EPHA5: variants seen among roughly 807,000 people sequenced by gnomAD.
EPHA5 encodes the protein ephrin type-A receptor 5.
EPHA5 carries 60 observed loss-of-function variants against 105.0 expected under a neutral mutation model. That is an observed-to-expected ratio of 0.57 (90% CI 0.46 to 0.71). EPHA5 has a LOEUF of 0.71. Among genes scored for constraint, EPHA5 ranks in the 30% least tolerant of loss-of-function variants. The probability of loss-of-function intolerance (pLI) is 0.00; values close to 1 mark genes in which losing one functional copy is unlikely to be tolerated. For synonymous variants in EPHA5, 513 were observed against 449.1 expected (o/e 1.14, Z -1.80); for missense variants, 1,218 against 1,274.7 (o/e 0.96, Z 0.68).
intron 2 of EPHA5, among the ~76,000 whole-genome samples, chr4:65,620,973 A>T (rs1046369564): frequency 6.6e-6 from 1 of 152,178 alleles, no homozygotes; most frequent in Non-Finnish European, 1.5e-5. Flanking sequence ...TGCATGCTTC[A>T]ATACTTCCAG....
chr4:65,557,574 C>T (rs1013087703), intron 3 of EPHA5, among the ~76,000 whole-genome samples: 11 of 151,816 alleles, frequency 7.2e-5, no homozygotes, highest in Non-Finnish European at 1.5e-4. Context: ...AGTAATTATT[C>T]TAATAAAGCA....
chr4:65,507,891 A>G (rs1399681627), intron 3 of EPHA5, among the ~76,000 whole-genome samples: 2 of 152,182 alleles, frequency 1.3e-5, no homozygotes, highest in Non-Finnish European at 2.9e-5. Flanking sequence ...AATACAACAT[A>G]TATTATTTTC....
At chr4:65,355,140 G>C (rs28380400) in intron 11 of EPHA5, among the ~76,000 whole-genome samples, 1,533 of 151,712 alleles carry the variant, frequency 0.01, 25 homozygotes, top group African/African-American at 0.035. Flanking sequence ...TCCAGGAAGA[G>C]AGGTGGCACA....
chr4:65,353,711 C>T (rs1309227027), intron 11 of EPHA5, among the ~76,000 whole-genome samples: 1 of 151,690 alleles, frequency 6.6e-6, no homozygotes, highest in Non-Finnish European at 1.5e-5. Context: ...AAACTCCATC[C>T]TATCTAACTG....
At chr4:65,570,688 C>T (rs567019903) in intron 3 of EPHA5, among the ~76,000 whole-genome samples, 1 of 151,768 alleles carries the variant, frequency 6.6e-6, no homozygotes. Flanking sequence ...GTACTCTATA[C>T]TTGTCCATCT....
chr4:65,413,655 C>T lies in EPHA5; in HGVS notation c.1687+629G>A, dbSNP rs934149795. Among the ~76,000 whole-genome samples the T allele has an allele frequency of 3.3e-5, 5 of 152,160 alleles. No individual in the cohort carries two copies. In the East Asian group the frequency reaches 5.8e-4, roughly 18 times the overall value. On this transcript the variant is annotated intron_variant, in intron 7 of 16. Transcript: ENST00000613740. Reference sequence around the variant, plus strand: ...ATTTCCTCACAAATAACTTTAATAGCGTCTATTTCTGTCTTCGAATTCTTC... The same window carrying T: ...ATTTCCTCACAAATAACTTTAATAGTGTCTATTTCTGTCTTCGAATTCTTC...
At chr4:65,344,700 G>A (rs1722048529) in intron 14 of EPHA5, among the ~76,000 whole-genome samples, 1 of 152,192 alleles carries the variant, frequency 6.6e-6, no homozygotes, top group Non-Finnish European at 1.5e-5. Flanking sequence ...GTTTAGATAA[G>A]TTAGAAATGA....
At chr4:65,508,922 G>A (rs1291809499) in intron 3 of EPHA5, among the ~76,000 whole-genome samples, 1 of 152,090 alleles carries the variant, frequency 6.6e-6, no homozygotes, top group Non-Finnish European at 1.5e-5. Flanking sequence ...AACGCATTGG[G>A]CATACAGTTG....
intron 1 of EPHA5, among the ~76,000 whole-genome samples, chr4:65,652,455 G>T (rs867381266): frequency 1.3e-5 from 2 of 151,906 alleles, no homozygotes; most frequent in Non-Finnish European, 1.5e-5. Flanking sequence ...ATATTATTTT[G>T]CCCATTTTAC....
intron 3 of EPHA5, among the ~76,000 whole-genome samples, chr4:65,546,604 G>A (rs769679259): frequency 4.0e-5 from 6 of 151,750 alleles, no homozygotes; most frequent in Non-Finnish European, 7.4e-5. Context: ...GATTTTTAAC[G>A]TGATTTATAA....
chr4:65,334,844 A>T (rs2148809350), intron 15 of EPHA5, among the ~76,000 whole-genome samples: 1 of 152,116 alleles, frequency 6.6e-6, no homozygotes, highest in South Asian at 2.1e-4. Context: ...ATTTGTGACA[A>T]TGTAATATAA....
intron 3 of EPHA5, among the ~76,000 whole-genome samples, chr4:65,545,255 C>T (rs1203129208): frequency 6.6e-6 from 1 of 151,834 alleles, no homozygotes; most frequent in African/African-American, 2.4e-5. Flanking sequence ...TAACTTGTCT[C>T]ATTTTTCTTT....
At chr4:65,427,480 C>A (rs939717687) in intron 5 of EPHA5, among the ~76,000 whole-genome samples, 1 of 151,970 alleles carries the variant, frequency 6.6e-6, no homozygotes, top group Non-Finnish European at 1.5e-5. Flanking sequence ...CGCGCCCCGT[C>A]CTTGAGTATA....
intron 3 of EPHA5, among the ~76,000 whole-genome samples, chr4:65,543,346 C>T (rs1329443754): frequency 1.3e-5 from 2 of 151,994 alleles, no homozygotes; most frequent in African/African-American, 4.8e-5. Flanking sequence ...CCCAAAACTC[C>T]TTACTCTGAT....
intron 3 of EPHA5, among the ~76,000 whole-genome samples, chr4:65,525,126 C>T (rs922835987): frequency 2.0e-5 from 3 of 151,584 alleles, no homozygotes; most frequent in African/African-American, 7.3e-5. Flanking sequence ...TATATTAAAA[C>T]TTATAATTCT....
intron 2 of EPHA5, among the ~76,000 whole-genome samples, chr4:65,612,749 T>C (rs1174303422): frequency 6.6e-6 from 1 of 152,204 alleles, no homozygotes; most frequent in Non-Finnish European, 1.5e-5. Context: ...TGTTATTGTT[T>C]CTGTTCCTTG....
At chr4:65,628,166 C>T (rs903795809) in intron 2 of EPHA5, among the ~76,000 whole-genome samples, 2 of 151,974 alleles carry the variant, frequency 1.3e-5, no homozygotes, top group African/African-American at 4.8e-5. Flanking sequence ...TATGAAGAAT[C>T]CCAACTATAA....
chr4:65,600,596 TGTAACAGA>T (rs1743622600), intron 3 of EPHA5, among the ~76,000 whole-genome samples: 1 of 152,172 alleles, frequency 6.6e-6, no homozygotes, highest in South Asian at 2.1e-4. Context: ...GTCTGATTCA[TGTAACAGA>T]GTGGACTTAG....
intron 8 of EPHA5, among the ~76,000 whole-genome samples, chr4:65,381,998 G>T (rs1268352880): frequency 6.6e-6 from 1 of 151,798 alleles, no homozygotes; most frequent in Non-Finnish European, 1.5e-5. Flanking sequence ...TTTAAATAGA[G>T]ATTAAATCAT....
Sources: gnomAD v4.1 joint callset for allele counts (sites outside exome capture counted in the v4.1 genomes callset) on GRCh38, gnomAD v4.1.1 for gene constraint, MANE v1.5 for transcripts, NCBI Gene and HGNC (gene_info 2026-07-23, HGNC 2026-07-21) for gene names.